The following PHLPP1 variants were observed in gnomAD, a reference collection of about 807,000 sequenced individuals.
PHLPP1 encodes PH domain and leucine rich repeat protein phosphatase 1.
A neutral mutation model predicts 117.2 loss-of-function variants in PHLPP1; 42 were observed. That is an observed-to-expected ratio of 0.36 (90% confidence interval 0.28 to 0.46). The LOEUF (loss-of-function observed/expected upper bound fraction) is 0.46, where lower values mean the gene tolerates loss of function less well. PHLPP1 is among the 20% of genes least tolerant of loss of function. The pLI is 1.00. For synonymous variants in PHLPP1, 1,042 were observed against 970.7 expected, an observed-to-expected ratio of 1.07 and a Z score of -1.37; for missense variants, 2,084 against 2,241.9, an observed-to-expected ratio of 0.93 and a Z score of 1.42.
At chr18:62,729,119 C>T (rs1180793319) in intron 1 of PHLPP1, among the ~76,000 whole-genome samples, 1 of 152,100 alleles carries the variant, frequency 6.6e-6, no homozygotes, top group Non-Finnish European at 1.5e-5. Context: ...GGAACACATT[C>T]CAAATATAGA....
intron 4 of PHLPP1, among the ~76,000 whole-genome samples, chr18:62,891,542 G>A (rs1011341266): frequency 6.6e-6 from 1 of 151,488 alleles, no homozygotes; most frequent in African/African-American, 2.4e-5. Context: ...CCGAGATCAC[G>A]CCACTGCACT....
chr18:62,820,870 C>T (rs71352599), intron 1 of PHLPP1, among the ~76,000 whole-genome samples: 8,635 of 152,134 alleles, frequency 0.057, 338 homozygotes, highest in Middle Eastern at 0.088. Context: ...TAAGACAAGG[C>T]GAGAACAAAA....
At chr18:62,858,812 A>G (rs1480538118) in intron 3 of PHLPP1, among the ~76,000 whole-genome samples, 1 of 152,114 alleles carries the variant, frequency 6.6e-6, no homozygotes, top group Non-Finnish European at 1.5e-5. Context: ...TAAAATGTGA[A>G]TGATTTGATT....
chr18:62,880,164 C>T (rs1674426134), intron 4 of PHLPP1, among the ~76,000 whole-genome samples: 1 of 151,598 alleles, frequency 6.6e-6, no homozygotes, highest in Non-Finnish European at 1.5e-5. Context: ...TCAACCCTAG[C>T]ATCAGACTTT....
At chr18:62,929,158 AG>A in intron 10 of PHLPP1, among the ~76,000 whole-genome samples, 1 of 152,142 alleles carries the variant, frequency 6.6e-6, no homozygotes, top group East Asian at 1.9e-4. Context: ...GTCCCTATAA[AG>A]CTGTTTTTTT....
intron 1 of PHLPP1, among the ~76,000 whole-genome samples, chr18:62,825,007 A>T (rs374914283): frequency 6.6e-6 from 1 of 151,458 alleles, no homozygotes; most frequent in Non-Finnish European, 1.5e-5. Context: ...GCTCAGTGCA[A>T]CCTCTGCCTC....
At chr18:62,874,041 G>T (rs1376875020) in intron 4 of PHLPP1, among the ~76,000 whole-genome samples, 1 of 151,364 alleles carries the variant, frequency 6.6e-6, no homozygotes. Flanking sequence ...AAATTAGCTG[G>T]GCCGTGGTGG....
intron 1 of PHLPP1, among the ~76,000 whole-genome samples, chr18:62,735,036 C>T (rs1359682379): frequency 6.6e-6 from 1 of 151,284 alleles, no homozygotes; most frequent in Non-Finnish European, 1.5e-5. Context: ...AAGAGGATGT[C>T]ATTCTTTTTT....
chr18:62,844,529 T>A (rs913609669), intron 3 of PHLPP1, among the ~76,000 whole-genome samples: 1 of 152,186 alleles, frequency 6.6e-6, no homozygotes, highest in Non-Finnish European at 1.5e-5. Context: ...CTTCCACTGT[T>A]ACCATCTCCT....
intron 1 of PHLPP1, among the ~76,000 whole-genome samples, chr18:62,783,480 G>T (rs1293147545): frequency 6.6e-6 from 1 of 151,798 alleles, no homozygotes; most frequent in Admixed American, 6.6e-5. Context: ...TGCCCGCCTT[G>T]GCCTCCCAAA....
intron 2 of PHLPP1, among the ~76,000 whole-genome samples, chr18:62,830,827 T>C (rs1914738369): frequency 6.6e-6 from 1 of 152,218 alleles, no homozygotes; most frequent in African/African-American, 2.4e-5. Flanking sequence ...TCGTTACTTA[T>C]GAGTTGATAT....
chr18:62,735,845 C>G (rs1262903861), intron 1 of PHLPP1, among the ~76,000 whole-genome samples: 1 of 151,988 alleles, frequency 6.6e-6, no homozygotes, highest in African/African-American at 2.4e-5. Context: ...AAATCAGAAC[C>G]TGACAAATGC....
chr18:62,795,350 C>T (rs1233379163), intron 1 of PHLPP1, among the ~76,000 whole-genome samples: 2 of 151,416 alleles, frequency 1.3e-5, no homozygotes, highest in African/African-American at 4.9e-5. Context: ...TGGTGGCGTG[C>T]GCCTGTAGTC....
At chr18:62,776,757 C>A (rs1416167958) in intron 1 of PHLPP1, among the ~76,000 whole-genome samples, 2 of 151,838 alleles carry the variant, frequency 1.3e-5, no homozygotes, top group African/African-American at 4.8e-5. Context: ...TTACAGGTAC[C>A]CGCCACCACA....
At chr18:62,889,824 C>T (rs1916364676) in intron 4 of PHLPP1, among the ~76,000 whole-genome samples, 2 of 152,160 alleles carry the variant, frequency 1.3e-5, no homozygotes, top group African/African-American at 4.8e-5. Flanking sequence ...TTATTTAAGC[C>T]AATATATCAG....
At chr18:62,761,074 A>G (rs1912210827) in intron 1 of PHLPP1, among the ~76,000 whole-genome samples, 1 of 151,886 alleles carries the variant, frequency 6.6e-6, no homozygotes, top group Non-Finnish European at 1.5e-5. Flanking sequence ...CATGTTGCCC[A>G]GACTGGTCTT....
intron 1 of PHLPP1, among the ~76,000 whole-genome samples, chr18:62,750,204 C>T (rs1281265580): frequency 6.6e-6 from 1 of 152,086 alleles, no homozygotes; most frequent in Non-Finnish European, 1.5e-5. Context: ...GAGGGGGACA[C>T]AAATCAGCTT....
chr18:62,750,053 AAAAG>A (rs1911798519), intron 1 of PHLPP1, among the ~76,000 whole-genome samples: 1 of 152,112 alleles, frequency 6.6e-6, no homozygotes, highest in African/African-American at 2.4e-5. Flanking sequence ...ACAAAACAAA[AAAAG>A]AATACCAGTC....
chr18:62,946,923 C>T (rs943638313), intron 12 of PHLPP1, among the ~76,000 whole-genome samples: 3 of 152,018 alleles, frequency 2.0e-5, no homozygotes, highest in Non-Finnish European at 4.4e-5. Flanking sequence ...CATGGTGGCT[C>T]GTGCCTGTAG....
Sources: allele counts gnomAD v4.1 joint callset (sites outside exome capture counted in the v4.1 genomes callset), GRCh38; gene constraint gnomAD v4.1.1; transcripts MANE v1.5; gene names NCBI Gene and HGNC (gene_info 2026-07-23, HGNC 2026-07-21).